BCL7C: variants seen among roughly 807,000 people sequenced by gnomAD.
The protein encoded by BCL7C is BAF chromatin remodeling complex subunit BCL7C, also known as B-cell CLL/lymphoma 7 protein family member C.
BCL7C carries 8 observed loss-of-function variants against 26.2 expected under a neutral mutation model. The observed-to-expected ratio is 0.30, with a 90% CI of 0.18 to 0.55. BCL7C has a LOEUF of 0.55. Ranked by LOEUF, BCL7C falls within the 20% of genes least tolerant of loss-of-function variation. BCL7C has a pLI of 0.93. For synonymous variants in BCL7C, 90 were observed against 116.5 expected, an observed-to-expected ratio of 0.77 and a Z score of 1.47; for missense variants, 262 against 298.5, an observed-to-expected ratio of 0.88 and a Z score of 0.90.
intron 5 of BCL7C, 131 bp downstream of exon 5, chr16:30,888,729 C>A: frequency 2.6e-6 from 2 of 764,854 alleles, no homozygotes; most frequent in Non-Finnish European, 4.3e-6. Flanking sequence ...AGAACCCAGC[C>A]CCTAAGCCTT....
chr16:30,839,583 T>C (rs1013201672), intron 5 of BCL7C, among the ~76,000 whole-genome samples: 1 of 152,224 alleles, frequency 6.6e-6, no homozygotes, highest in Non-Finnish European at 1.5e-5. Flanking sequence ...ATTTAAGCCA[T>C]TGCTGACTTG....
intron 5 of BCL7C, among the ~76,000 whole-genome samples, chr16:30,850,691 G>A (rs2054667633): frequency 6.6e-6 from 1 of 152,138 alleles, no homozygotes; most frequent in African/African-American, 2.4e-5. Context: ...AAAATGATAT[G>A]CCACACTGGT....
intron 5 of BCL7C, among the ~76,000 whole-genome samples, chr16:30,850,391 A>G (rs1004127719): frequency 1.3e-5 from 2 of 152,160 alleles, no homozygotes; most frequent in African/African-American, 4.8e-5. Flanking sequence ...GGCACTATAT[A>G]CAGTCATGTG....
At chr16:30,866,641 GA>G (rs1013697374) in intron 5 of BCL7C, among the ~76,000 whole-genome samples, 4 of 146,990 alleles carry the variant, frequency 2.7e-5, no homozygotes, top group Non-Finnish European at 6.0e-5. Context: ...CAAAGTTAAA[GA>G]AAAAAAAAGG....
intron 5 of BCL7C, among the ~76,000 whole-genome samples, chr16:30,888,461 C>T (rs1204268184): frequency 6.6e-6 from 1 of 152,084 alleles, no homozygotes; most frequent in African/African-American, 2.4e-5. Context: ...CTTAGCCTCC[C>T]GAGTAGCTGG....
At position 30,893,211 on chromosome 16, in the gene BCL7C, C is replaced by A; in HGVS notation, c.171+1G>T. The A allele has an allele frequency of 6.2e-7, 1 of 1,612,662 alleles. No homozygotes were observed. The highest frequency in any genetic ancestry group is 8.5e-7 in the Non-Finnish European group (1 of 1,179,108). ...GCCTTGTGGGAATGGGGGTTGCTCA[C>A]CTCCTCCTGGGGATCCACCACTGGC... On this transcript the variant is annotated splice_donor_variant, in intron 2 of 5. Coordinates refer to ENST00000215115, the MANE Select transcript of BCL7C (RefSeq NM_004765.4). LOFTEE classifies it high-confidence loss of function. This position sits in a 1 kb window ranked among gnomAD's most constrained non-coding sequence, Gnocchi z 5.2.
intron 5 of BCL7C, among the ~76,000 whole-genome samples, chr16:30,841,848 G>A (rs1295814304): frequency 5.9e-5 from 9 of 151,608 alleles, no homozygotes; most frequent in Admixed American, 2.6e-4. Flanking sequence ...CCAGCCACTC[G>A]GGAGGCTGAG....
At position 30,893,722 on chromosome 16, in the gene BCL7C, G is replaced by T; in HGVS notation, c.92+131C>A. ...CAGGCGAACGGGGACAGAGCCCTGT[G>T]GATCCAGGGCAAAGCTAGTGGGTGG... On this transcript the variant is annotated intron_variant, in intron 1 of 5. Transcript: ENST00000215115. This position sits in a 1 kb window ranked among gnomAD's most constrained non-coding sequence, Gnocchi z 5.2. The T allele has an allele frequency of 2.6e-6, 2 of 758,916 alleles. No individual in the cohort carries two copies. The highest frequency in any genetic ancestry group is 1.5e-5 in the South Asian group (1 of 67,386). The allele number at this position is 758,916 out of a possible 1,614,324, so 47.0% of individuals were successfully genotyped here. A position where few individuals can be genotyped will look rare whatever the true frequency, so the allele number is the denominator to read the frequency against.
downstream of BCL7C, among the ~76,000 whole-genome samples, chr16:30,884,041 C>T (rs1380378934): frequency 3.3e-5 from 5 of 150,410 alleles, no homozygotes; most frequent in East Asian, 6.0e-4. Flanking sequence ...AGGAGAATGG[C>T]GTGAACCTGG....
intron 5 of BCL7C, among the ~76,000 whole-genome samples, chr16:30,866,723 T>A (rs1033548441): frequency 6.6e-6 from 1 of 152,122 alleles, no homozygotes; most frequent in Non-Finnish European, 1.5e-5. Context: ...ATATTGCTTA[T>A]TGAAATAAAT....
At chr16:30,856,954 C>T (rs1401738477) in intron 5 of BCL7C, among the ~76,000 whole-genome samples, 1 of 152,172 alleles carries the variant, frequency 6.6e-6, no homozygotes, top group African/African-American at 2.4e-5. Context: ...TTGTCAGCCT[C>T]TTATATCTCC....
chr16:30,874,635 G>T (rs545969870), intron 5 of BCL7C, among the ~76,000 whole-genome samples: 1 of 152,172 alleles, frequency 6.6e-6, no homozygotes, highest in East Asian at 1.9e-4. Context: ...AAAAACAAAA[G>T]GGGAGGGCGG....
chr16:30,847,633 T>C (rs2054643957), intron 5 of BCL7C, among the ~76,000 whole-genome samples: 1 of 151,850 alleles, frequency 6.6e-6, no homozygotes, highest in Admixed American at 6.6e-5. Context: ...CTGTTGCTAC[T>C]AAAAACACAA....
intron 5 of BCL7C, among the ~76,000 whole-genome samples, chr16:30,857,941 A>G (rs1281528011): frequency 6.7e-6 from 1 of 148,334 alleles, no homozygotes; most frequent in Non-Finnish European, 1.5e-5. Flanking sequence ...ATTGCATTCC[A>G]GCCTGAGTGA....
rs1255652792 is a variant in BCL7C, at chr16:30,834,807, A to T, written c.*141T>A. The T allele has an allele frequency of 2.5e-6, 2 of 788,570 alleles. No homozygotes were observed. Among genetic ancestry groups the T allele is most frequent in the East Asian group, 5.8e-5 (2 of 34,654 alleles). 48.8% of individuals were successfully genotyped at this position (788,570 alleles called of 1,614,324 possible). ...GGGTGCTGTGGCCTTAGGTTCGGGC[A>T]GGTGTGGGGCCGCTCGCCCTCCGAT... is the stretch of plus-strand genomic sequence containing the variant. On this transcript the variant is annotated 3_prime_UTR_variant, in exon 6 of 6. Coordinates refer to the BCL7C transcript ENST00000380317. This position sits in a 1 kb window ranked among gnomAD's most constrained non-coding sequence, Gnocchi z 4.3.
At chr16:30,882,711 G>A (rs2055061111) in intron 5 of BCL7C, among the ~76,000 whole-genome samples, 1 of 152,198 alleles carries the variant, frequency 6.6e-6, no homozygotes. Context: ...GGGGGCAGTG[G>A]CATGGACAGA....
At position 30,893,357 on chromosome 16, in the gene BCL7C, A is replaced by G; in HGVS notation, c.93-67T>C. ...AGACCCACCCCCCTAGGAGCTGGAC[A>G]CATCTGGGGGTACCTGCAGAGGTTG... is the stretch of plus-strand genomic sequence containing the variant. On this transcript the variant is annotated intron_variant, in intron 1 of 5. Coordinates refer to ENST00000215115, the MANE Select transcript of BCL7C (RefSeq NM_004765.4). This position sits in a 1 kb window ranked among gnomAD's most constrained non-coding sequence, Gnocchi z 5.2. 1 of 1,310,164 alleles carries G rather than the reference A, an allele frequency of 7.6e-7. No individual in the cohort carries two copies. The highest frequency in any genetic ancestry group is 1.1e-6 in the Non-Finnish European group (1 of 929,842). The allele number at this position is 1,310,164 out of a possible 1,614,324, so 81.2% of individuals were successfully genotyped here.
At chr16:30,857,986 A>AAAGAAAG (rs529360859) in intron 5 of BCL7C, among the ~76,000 whole-genome samples, 2 of 151,442 alleles carry the variant, frequency 1.3e-5, no homozygotes, top group Non-Finnish European at 2.9e-5. Context: ...AAAAAAAAAA[A>AAAGAAAG]AAAGAAAGAA....
chr16:30,893,073 G>T lies in BCL7C; in HGVS notation c.172-125C>A. ...TGTGGAGCAGAAAAGAGGGCAAAAG[G>T]GGAGGAGCTGCTAATGATGGTTCCC... On this transcript the variant is annotated intron_variant, in intron 2 of 5. Coordinates refer to ENST00000215115, the MANE Select transcript of BCL7C (RefSeq NM_004765.4). The surrounding 1 kb of genome is among the most constrained non-coding windows in gnomAD (Gnocchi z 5.2). The T allele has an allele frequency of 8.2e-7, 1 of 1,220,576 alleles. No individual in the cohort carries two copies. Among genetic ancestry groups the T allele is most frequent in the Non-Finnish European group, 1.2e-6 (1 of 859,626 alleles). The allele number at this position is 1,220,576 out of a possible 1,614,324, so 75.6% of individuals were successfully genotyped here.
Sources: gnomAD v4.1 joint callset for allele counts (sites outside exome capture counted in the v4.1 genomes callset) on GRCh38, gnomAD v4.1.1 for gene constraint, Gnocchi (gnomAD v3.1) non-coding constraint, MANE v1.5 for transcripts, NCBI Gene and HGNC (gene_info 2026-07-23, HGNC 2026-07-21) for gene names.